Variants in JPH3 observed in about 807,000 individuals in gnomAD.
JPH3 encodes the protein junctophilin-3.
In JPH3, 11 loss-of-function variants were observed where a neutral mutation model predicts 59.6. The ratio of observed to expected loss-of-function variants is 0.18; its 90% CI spans 0.12 to 0.31. JPH3 has a LOEUF of 0.31. Ranked by LOEUF, JPH3 falls within the 10% of genes least tolerant of loss-of-function variation. The probability of loss-of-function intolerance (pLI) is 1.00; values close to 1 mark genes in which losing one functional copy is unlikely to be tolerated. For missense variants in JPH3, 1,202 were observed against 1,105.7 expected (o/e 1.09, Z -1.24); for synonymous variants, 673 against 483.6 (o/e 1.39, Z -5.14).
intron 4 of JPH3, among the ~76,000 whole-genome samples, chr16:87,692,048 A>G (rs1177310177): frequency 6.6e-6 from 1 of 152,128 alleles, no homozygotes; most frequent in Non-Finnish European, 1.5e-5. Flanking sequence ...AGGGTGCTAC[A>G]TGCTGCCCTG....
At chr16:87,604,017 A>G (rs2030380296) in intron 1 of JPH3, 5 of 912,400 alleles carry the variant, frequency 5.5e-6, no homozygotes, top group Non-Finnish European at 5.2e-6. Context: ...GCCGAGAGAA[A>G]GGGAGTGATG....
chr16:87,674,948 ATGGG>A (rs2033107145), intron 2 of JPH3, among the ~76,000 whole-genome samples: 1 of 151,786 alleles, frequency 6.6e-6, no homozygotes, highest in Non-Finnish European at 1.5e-5. Context: ...TTTAGTAGAG[ATGGG>A]GGTTTCACCA....
Position 87,634,859 on chromosome 16 carries a change from G to A in JPH3, c.383-9399G>A, listed in dbSNP as rs369861302. On this transcript the variant is annotated intron_variant, in intron 1 of 4. Coordinates refer to ENST00000284262, the MANE Select transcript of JPH3 (RefSeq NM_020655.4). The stretch of plus-strand genomic sequence containing the variant: ...GACGCTCTGTGTGGGCTTCGGATCA[G>A]CTCAGCGTAGGTTTCAGTCCCGCTC... 1.0e-3 allele frequency among the ~76,000 whole-genome samples: 153 copies of A among 152,368 alleles called. 3 individuals carry two copies. The South Asian group carries it at 0.025, about 25-fold the overall frequency.
At chr16:87,666,850 G>C (rs2150863562) in intron 2 of JPH3, among the ~76,000 whole-genome samples, 1 of 152,352 alleles carries the variant, frequency 6.6e-6, no homozygotes, top group East Asian at 1.9e-4. Flanking sequence ...GGCCACAGAG[G>C]CCTAGCAGCC....
intron 4 of JPH3, chr16:87,695,466 T>G (rs2033790770): frequency 2.2e-6 from 1 of 455,604 alleles, no homozygotes; most frequent in African/African-American, 2.0e-5. Flanking sequence ...CCGGGGGCTC[T>G]GAACAGCTCC....
intron 1 of JPH3, among the ~76,000 whole-genome samples, chr16:87,616,304 G>A (rs2030967582): frequency 6.7e-6 from 1 of 149,540 alleles, no homozygotes; most frequent in African/African-American, 2.5e-5. Flanking sequence ...CGCGATCTCA[G>A]CTCACTACAG....
chr16:87,653,906 A>G (rs1202408361), intron 2 of JPH3: 1 of 152,254 alleles, frequency 6.6e-6, no homozygotes, highest in Non-Finnish European at 1.5e-5. Context: ...ACCCCTGCCC[A>G]CGACACTCGC....
At chr16:87,673,146 T>TA (rs113855698) in intron 2 of JPH3, among the ~76,000 whole-genome samples, 245 of 142,708 alleles carry the variant, frequency 1.7e-3, no homozygotes, top group East Asian at 1.6e-3. Context: ...ACTCTGTCAT[T>TA]AAAAAAAAAA....
intron 1 of JPH3, among the ~76,000 whole-genome samples, chr16:87,630,102 C>G (rs2031516882): frequency 6.6e-6 from 1 of 152,206 alleles, no homozygotes; most frequent in Non-Finnish European, 1.5e-5. Flanking sequence ...CTGCTCCACT[C>G]AGTTGACTGT....
chr16:87,613,854 T>A (rs2030830929), intron 1 of JPH3, among the ~76,000 whole-genome samples: 1 of 152,232 alleles, frequency 6.6e-6, no homozygotes, highest in Non-Finnish European at 1.5e-5. Context: ...TGCCTTGAGA[T>A]AAGGCATTCC....
intron 2 of JPH3, among the ~76,000 whole-genome samples, chr16:87,663,309 C>G (rs1300149900): frequency 6.6e-6 from 1 of 152,118 alleles, no homozygotes; most frequent in South Asian, 2.1e-4. Context: ...GGCTTCACCA[C>G]GTTGGTCAGG....
intron 2 of JPH3, among the ~76,000 whole-genome samples, chr16:87,677,154 A>G (rs932267053): frequency 2.8e-5 from 4 of 144,814 alleles, no homozygotes; most frequent in African/African-American, 1.0e-4. Context: ...GTGGGACTCC[A>G]TTATACACAC....
rs1183344242 is a variant in JPH3 at position 87,644,321 on chromosome 16, C to T, written c.446C>T (p.Pro149Leu). The change falls in exon 2 of 5, where the codon CCG becomes CTG. Residue 149 changes from proline to leucine, a missense_variant. Physicochemically the swap from Pro to Leu is moderately conservative, Grantham distance 98. Transcript: ENST00000284262. ...RQGYGVRQSV[P>L]YGMAAVIRSP... ...GGCTACGGCGTCCGGCAGAGCGTCC[C>T]GTATGGCATGGCCGCGGTCATCCGC... 14 of 1,612,938 alleles carry T rather than the reference C, an allele frequency of 8.7e-6. No homozygotes were observed. Among genetic ancestry groups the T allele is most frequent in the South Asian group, 1.1e-5 (1 of 91,048 alleles).
intron 3 of JPH3, among the ~76,000 whole-genome samples, chr16:87,686,851 A>T (rs1456402568): frequency 1.3e-5 from 2 of 152,122 alleles, no homozygotes; most frequent in African/African-American, 4.8e-5. Flanking sequence ...GGCCGCTGTG[A>T]TGGAGAGACG....
At chr16:87,692,681 G>C (rs1024476343) in intron 4 of JPH3, among the ~76,000 whole-genome samples, 1 of 152,236 alleles carries the variant, frequency 6.6e-6, no homozygotes, top group African/African-American at 2.4e-5. Context: ...TGGAAGCACA[G>C]GTTCTCCCTA....
intron 2 of JPH3, 25 bp downstream of exon 2, chr16:87,645,060 C>G (rs777376957): frequency 2.5e-6 from 4 of 1,580,884 alleles, no homozygotes; most frequent in African/African-American, 2.7e-5. Context: ...GGGCGGGGGG[C>G]CCTTCTTGGT....
At chr16:87,655,730 T>G (rs9923325) in intron 2 of JPH3, among the ~76,000 whole-genome samples, 1 of 152,140 alleles carries the variant, frequency 6.6e-6, no homozygotes, top group South Asian at 2.1e-4. Flanking sequence ...GAACACGTAA[T>G]GAGTGCAGTG....
intron 2 of JPH3, among the ~76,000 whole-genome samples, chr16:87,680,522 T>G (rs2033262808): frequency 6.6e-6 from 1 of 152,216 alleles, no homozygotes; most frequent in South Asian, 2.1e-4. Context: ...GATCGCGACC[T>G]TTTCCTCCAG....
intron 2 of JPH3, among the ~76,000 whole-genome samples, chr16:87,672,499 A>G (rs1432938133): frequency 2.0e-5 from 3 of 152,234 alleles, no homozygotes; most frequent in Non-Finnish European, 4.4e-5. Context: ...AGAGCCGCAC[A>G]TGACGGGGGT....
Sources: allele counts gnomAD v4.1 joint callset (sites outside exome capture counted in the v4.1 genomes callset), GRCh38; gene constraint gnomAD v4.1.1; transcripts MANE v1.5; gene names NCBI Gene and HGNC (gene_info 2026-07-23, HGNC 2026-07-21).